RASGEF1C: variants seen among roughly 807,000 people sequenced by gnomAD.
The protein encoded by RASGEF1C is RasGEF domain family member 1C.
Under a neutral mutation model 58.1 loss-of-function variants are expected in RASGEF1C, and 27 were observed. The observed-to-expected ratio is 0.46, with a 90% CI of 0.34 to 0.64. RASGEF1C has a LOEUF of 0.64. Ranked by LOEUF, RASGEF1C falls within the 30% of genes least tolerant of loss-of-function variation. The probability of loss-of-function intolerance (pLI) is 0.01; values close to 1 mark genes in which losing one functional copy is unlikely to be tolerated. For synonymous variants in RASGEF1C, 243 were observed against 246.3 expected (o/e 0.99, Z 0.13); for missense variants, 502 against 605.1 (o/e 0.83, Z 1.79).
chr5:180,113,630 G>A (rs1766009974), intron 11 of RASGEF1C, among the ~76,000 whole-genome samples: 1 of 89,856 alleles, frequency 1.1e-5, no homozygotes, highest in African/African-American at 4.9e-5. Context: ...GGAGGGATCC[G>A]GGGATGGACG....
intron 1 of RASGEF1C, among the ~76,000 whole-genome samples, chr5:180,173,434 T>C (rs1350779459): frequency 6.6e-6 from 1 of 152,128 alleles, no homozygotes; most frequent in Non-Finnish European, 1.5e-5. Context: ...GGAAGGCAGA[T>C]CCCACACTGA....
In RASGEF1C at chr5:180,138,752, G is replaced by A. The variant is rs771275032; in HGVS notation, c.-6-694C>T. Among the ~76,000 whole-genome samples, 11 of 152,088 alleles carry A rather than the reference G, an allele frequency of 7.2e-5. 1 individual carries two copies. The highest frequency in any genetic ancestry group is 4.4e-5 in the Non-Finnish European group (3 of 68,018). On this transcript the variant is annotated intron_variant, in intron 1 of 13. Transcript: ENST00000361132. ...ACTAGCTGACCTGTCCATCCTCACC[G>A]CCTATCACACCCCATTGCTCTTGGC...
intron 1 of RASGEF1C, among the ~76,000 whole-genome samples, chr5:180,152,657 T>C (rs911414563): frequency 9.9e-5 from 15 of 150,956 alleles, no homozygotes; most frequent in African/African-American, 3.7e-4. Flanking sequence ...GGCACATGTA[T>C]ACATATGTAA....
intron 1 of RASGEF1C, among the ~76,000 whole-genome samples, chr5:180,152,311 C>G (rs369956804): frequency 6.6e-6 from 1 of 152,044 alleles, no homozygotes; most frequent in Non-Finnish European, 1.5e-5. Flanking sequence ...TTGGAACCAA[C>G]CCAAATGTCC....
intron 1 of RASGEF1C, among the ~76,000 whole-genome samples, chr5:180,175,064 C>T (rs1767201234): frequency 6.6e-6 from 1 of 152,162 alleles, no homozygotes; most frequent in South Asian, 2.1e-4. Context: ...GCCCCAGCGG[C>T]CAGCACCTGC....
At chr5:180,174,635 T>C (rs1767192595) in intron 1 of RASGEF1C, among the ~76,000 whole-genome samples, 1 of 151,376 alleles carries the variant, frequency 6.6e-6, no homozygotes, top group South Asian at 2.1e-4. Flanking sequence ...TGTGTGTGTG[T>C]GTGCGTGCAT....
At chr5:180,165,486 A>T in intron 1 of RASGEF1C, among the ~76,000 whole-genome samples, 1 of 151,866 alleles carries the variant, frequency 6.6e-6, no homozygotes, top group Non-Finnish European at 1.5e-5. Flanking sequence ...CCTGGCCAAC[A>T]TGGTGAAACC....
At chr5:180,116,259 CG>C (rs1239353589) in intron 10 of RASGEF1C, among the ~76,000 whole-genome samples, 1 of 152,164 alleles carries the variant, frequency 6.6e-6, no homozygotes, top group African/African-American at 2.4e-5. Context: ...ATTACAGCCC[CG>C]GTCAGCTTGG....
In RASGEF1C at chr5:180,136,771, C is replaced by T. The variant is rs1188588203; in HGVS notation, c.301-256G>A. ...GGCTCCATCCTCCCTGGTGAGTCTT[C>T]GCGCTGCGGGGAGTGGGGAGTCCTC... is the stretch of plus-strand genomic sequence containing the variant. On this transcript the variant is annotated intron_variant, in intron 3 of 13. Coordinates refer to ENST00000361132, the MANE Select transcript of RASGEF1C (RefSeq NM_175062.4). The T allele has an allele frequency of 1.2e-5, 6 of 499,550 alleles. No individual in the cohort carries two copies. The Admixed American group carries it at 1.4e-4, about 12-fold the overall frequency. The allele number at this position is 499,550 out of a possible 1,614,324, so 30.9% of individuals were successfully genotyped here. A position where few individuals can be genotyped will look rare whatever the true frequency, so the allele number is the denominator to read the frequency against.
intron 1 of RASGEF1C, among the ~76,000 whole-genome samples, chr5:180,169,927 C>T (rs947981984): frequency 1.3e-5 from 2 of 152,142 alleles, no homozygotes; most frequent in Admixed American, 6.5e-5. Flanking sequence ...TCCAGGCCTC[C>T]GCAGGGCTTC....
rs1039060764 is a variant in RASGEF1C at position 180,141,875 on chromosome 5, AATTTTTGT to A, written c.-6-3825_-6-3818del. ...CAGGTGCCCACCACCACACTCAGCT[AATTTTTGT>A]ATTTTTGGTAGAGACGGGGTTTCAC... On this transcript the variant is annotated intron_variant, in intron 1 of 13. Transcript: ENST00000361132. Among the ~76,000 whole-genome samples the A allele has an allele frequency of 5.8e-4, 88 of 152,098 alleles. 1 individual carries two copies. Among genetic ancestry groups the A allele is most frequent in the Admixed American group, 2.0e-4 (3 of 15,270 alleles).
At chr5:180,202,851 C>T (rs772823880) in intron 1 of RASGEF1C, among the ~76,000 whole-genome samples, 2 of 152,044 alleles carry the variant, frequency 1.3e-5, no homozygotes, top group East Asian at 1.9e-4. Context: ...TACAGGTGCC[C>T]GCCACCACGC....
rs112727280 is a variant in RASGEF1C at position 180,115,422 on chromosome 5, G to A, written c.1084-881C>T. 1,927 of 342,070 alleles carry A rather than the reference G, an allele frequency of 5.6e-3. 12 individuals carry two copies. Among genetic ancestry groups the A allele is most frequent in the Middle Eastern group, 0.012 (31 of 2,522 alleles). 21.2% of individuals were successfully genotyped at this position (342,070 alleles called of 1,614,324 possible). On this transcript the variant is annotated intron_variant, in intron 10 of 13. Coordinates refer to ENST00000361132, the MANE Select transcript of RASGEF1C (RefSeq NM_175062.4). ...TGCCTGAAGGAAAAGAAAGGCTCACGGACCCCGCCTGTGAAGGGCTGCGGG... is the reference window on the plus strand; with the variant it reads ...TGCCTGAAGGAAAAGAAAGGCTCACAGACCCCGCCTGTGAAGGGCTGCGGG...
At chr5:180,129,451 C>T (rs971992209) in intron 4 of RASGEF1C, among the ~76,000 whole-genome samples, 2 of 152,172 alleles carry the variant, frequency 1.3e-5, no homozygotes, top group African/African-American at 2.4e-5. Flanking sequence ...AACCCCGCCA[C>T]CAGAGCACAG....
chr5:180,123,017 G>C (rs1355727819), intron 6 of RASGEF1C, among the ~76,000 whole-genome samples: 1 of 151,684 alleles, frequency 6.6e-6, no homozygotes. Flanking sequence ...CAAACACAAG[G>C]ATATAAGTAA....
At chr5:180,171,701 AC>A (rs1767111407) in intron 1 of RASGEF1C, among the ~76,000 whole-genome samples, 2 of 152,302 alleles carry the variant, frequency 1.3e-5, no homozygotes, top group African/African-American at 4.8e-5. Context: ...GGCGTGTGTC[AC>A]CCACACCTCC....
intron 11 of RASGEF1C, 103 bp from the exon 12 acceptor site, chr5:180,111,683 G>C: frequency 1.5e-6 from 2 of 1,310,374 alleles, no homozygotes; most frequent in Non-Finnish European, 2.2e-6. Flanking sequence ...ACACCCAGTG[G>C]CTTTAGGGCT....
chr5:180,166,013 T>C (rs1222652755), intron 1 of RASGEF1C, among the ~76,000 whole-genome samples: 1 of 152,044 alleles, frequency 6.6e-6, no homozygotes, highest in East Asian at 1.9e-4. Context: ...CTTCCTAAAG[T>C]GCTGGGATTA....
intron 1 of RASGEF1C, among the ~76,000 whole-genome samples, chr5:180,182,089 C>T (rs1767344220): frequency 6.6e-6 from 1 of 151,430 alleles, no homozygotes. Flanking sequence ...CCTGTAGTCC[C>T]AGCTACACGG....
Sources: gnomAD v4.1 joint callset for allele counts (sites outside exome capture counted in the v4.1 genomes callset) on GRCh38, gnomAD v4.1.1 for gene constraint, MANE v1.5 for transcripts, NCBI Gene and HGNC (gene_info 2026-07-23, HGNC 2026-07-21) for gene names.